YTHDF3: variants seen among roughly 807,000 people sequenced by gnomAD.
The protein encoded by YTHDF3 is YTH N6-methyladenosine RNA binding protein F3.
A neutral mutation model predicts 52.5 loss-of-function variants in YTHDF3; 9 were observed. The observed-to-expected ratio is 0.17, with a 90% CI of 0.10 to 0.30. YTHDF3 has a LOEUF of 0.30. Among genes scored for constraint, YTHDF3 ranks in the 10% least tolerant of loss-of-function variants. YTHDF3 has a pLI of 1.00. For synonymous variants in YTHDF3, 274 were observed against 243.3 expected (o/e 1.13, Z -1.18); for missense variants, 534 against 715.0 (o/e 0.75, Z 2.89).
intron 4 of YTHDF3, among the ~76,000 whole-genome samples, chr8:63,192,037 T>C (rs1378386402): frequency 6.6e-6 from 1 of 152,204 alleles, no homozygotes; most frequent in East Asian, 1.9e-4. Flanking sequence ...GGCGTACAGC[T>C]CTATGAATTT....
chr8:63,199,625 CA>C (rs1382886676), intron 4 of YTHDF3, among the ~76,000 whole-genome samples: 2 of 152,040 alleles, frequency 1.3e-5, no homozygotes. Flanking sequence ...ATGTGACATT[CA>C]GTTTCTTAAT....
At chr8:63,180,409 A>G (rs1042048167) in intron 3 of YTHDF3, among the ~76,000 whole-genome samples, 23 of 149,294 alleles carry the variant, frequency 1.5e-4, no homozygotes, top group African/African-American at 5.2e-4. Flanking sequence ...CACTTCCCAG[A>G]TGGGATGGCG....
In YTHDF3 at chr8:63,210,045, C is replaced by T. The variant is rs1810289425; in HGVS notation, c.*339C>T. On this transcript the variant is annotated 3_prime_UTR_variant, in exon 5 of 5. Transcript: ENST00000539294. ...ACTCTTTGAATTTGTTAAATACTAACAGTTAACCATTAGAAGTGGTTCAAT... is the reference window on the plus strand; with the variant it reads ...ACTCTTTGAATTTGTTAAATACTAATAGTTAACCATTAGAAGTGGTTCAAT... 2 of 210,202 alleles carry T rather than the reference C, an allele frequency of 9.5e-6. No homozygotes were observed. The highest frequency in any genetic ancestry group is 1.9e-5 in the Non-Finnish European group (2 of 106,052). The allele number at this position is 210,202 out of a possible 1,614,324, so 13.0% of individuals were successfully genotyped here.
chr8:63,180,929 G>C lies in YTHDF3; in HGVS notation c.136-5218G>C, dbSNP rs578044168. Reference sequence around the variant, plus strand: ...AGTGAGCCGAGATGGCAGCAGTACCGTCCAGCTTCGGCTCGGCATCAGAGG... The same window carrying C: ...AGTGAGCCGAGATGGCAGCAGTACCCTCCAGCTTCGGCTCGGCATCAGAGG... On this transcript the variant is annotated intron_variant, in intron 3 of 4. Coordinates refer to ENST00000539294, the MANE Select transcript of YTHDF3 (RefSeq NM_152758.6). 3.9e-5 allele frequency among the ~76,000 whole-genome samples: 6 copies of C among 152,350 alleles called. No individual in the cohort carries two copies. In the East Asian group the frequency reaches 1.2e-3, roughly 29 times the overall value.
intron 3 of YTHDF3, among the ~76,000 whole-genome samples, chr8:63,180,847 GCCTGCAATC>G (rs1363775366): frequency 6.6e-6 from 1 of 152,212 alleles, no homozygotes; most frequent in Non-Finnish European, 1.5e-5. Context: ...GGCGGCAAGC[GCCTGCAATC>G]GCAGGCACTC....
In YTHDF3 at chr8:63,169,421, G is replaced by A. The variant is rs1351482627; in HGVS notation, c.49+10G>A. 10 of 1,591,738 alleles carry A rather than the reference G, an allele frequency of 6.3e-6. No individual in the cohort carries two copies. Among genetic ancestry groups the A allele is most frequent in the African/African-American group, 4.0e-5 (3 of 74,680 alleles). On this transcript the variant is annotated intron_variant, in intron 2 of 4. Transcript: ENST00000539294. ...GGGCAAGGAAATAAAGGTGAGTTTG[G>A]ATTTTTTTTTTTCTTATTGCTCAAT...
intron 4 of YTHDF3, among the ~76,000 whole-genome samples, chr8:63,203,536 A>G (rs1809783142): frequency 6.6e-6 from 1 of 152,214 alleles, no homozygotes; most frequent in African/African-American, 2.4e-5. Flanking sequence ...ATTTCTGTAT[A>G]TTCTTTATTC....
At chr8:63,173,422 C>T (rs1453934413) in intron 2 of YTHDF3, among the ~76,000 whole-genome samples, 4 of 151,538 alleles carry the variant, frequency 2.6e-5, no homozygotes, top group African/African-American at 7.3e-5. Context: ...AAACATTTTT[C>T]GTAAAGGTGG....
Position 63,206,409 on chromosome 8 carries a change from G to C in YTHDF3, c.1735-3274G>C, listed in dbSNP as rs183459892. 3.8e-3 allele frequency among the ~76,000 whole-genome samples: 577 copies of C among 152,186 alleles called. 5 individuals are homozygous for C. Among genetic ancestry groups the C allele is most frequent in the South Asian group, 0.013 (65 of 4,820 alleles). The stretch of plus-strand genomic sequence containing the variant: ...GCTCCAAACTTCATTCATCTTAGTA[G>C]GGGAGAGGGTATGATACCACTCTCC... On this transcript the variant is annotated intron_variant, in intron 4 of 4. Transcript: ENST00000539294.
chr8:63,173,185 G>A (rs1048863868), intron 2 of YTHDF3, among the ~76,000 whole-genome samples: 1 of 103,554 alleles, frequency 9.7e-6, no homozygotes, highest in African/African-American at 6.6e-5. Context: ...AAAAAAATAA[G>A]AATAACAGGA....
At chr8:63,189,198 T>C (rs1454844725) in intron 4 of YTHDF3, among the ~76,000 whole-genome samples, 1 of 152,184 alleles carries the variant, frequency 6.6e-6, no homozygotes, top group Non-Finnish European at 1.5e-5. Flanking sequence ...CCAGAATATT[T>C]TTATTTTTAT....
intron 4 of YTHDF3, among the ~76,000 whole-genome samples, chr8:63,205,573 A>G (rs1251819835): frequency 6.6e-6 from 1 of 151,610 alleles, no homozygotes; most frequent in Non-Finnish European, 1.5e-5. Context: ...GGCTGGGATT[A>G]CAGGTGTATG....
chr8:63,193,374 CAAAAAAAAAA>C (rs758787473), intron 4 of YTHDF3, among the ~76,000 whole-genome samples: 12 of 54,120 alleles, frequency 2.2e-4, no homozygotes, highest in Non-Finnish European at 3.2e-4. Flanking sequence ...AGACTCCGTC[CAAAAAAAAAA>C]AAAAAAAAAA....
At chr8:63,175,566 G>C in intron 3 of YTHDF3, 150 bp downstream of exon 3, 1 of 585,244 alleles carries the variant, frequency 1.7e-6, no homozygotes. Context: ...AGTAGCAGTT[G>C]CAGATTTATG....
intron 4 of YTHDF3, among the ~76,000 whole-genome samples, chr8:63,197,438 T>C (rs1365327048): frequency 6.6e-6 from 1 of 152,186 alleles, no homozygotes. Flanking sequence ...GAACAAAATG[T>C]TATGAGATGG....
chr8:63,186,837 A>G lies in YTHDF3; in HGVS notation c.826A>G (p.Ile276Val), dbSNP rs776365957. Residue 276 changes from isoleucine (I) to valine (V), a missense_variant, in exon 4 of 5, where the codon ATT (isoleucine) becomes GTT (valine). Physicochemically the swap from Ile to Val is conservative, Grantham distance 29 (BLOSUM62 3). This residue lies in a region of YTHDF3 where 203 missense variants were observed against 201.3 expected (regional missense o/e 1.01). Transcript: ENST00000539294. Reference sequence around the variant, plus strand: ...ACCTCCTATAAAACACAACATGAATATTGGAACTTGGGATGAAAAAGGGTC... The same window carrying G: ...ACCTCCTATAAAACACAACATGAATGTTGGAACTTGGGATGAAAAAGGGTC... ...PPPPIKHNMN[I>V]GTWDEKGSVV... is the part of the protein sequence containing the mutation. The G allele has an allele frequency of 5.6e-6, 9 of 1,613,984 alleles. No individual in the cohort carries two copies. The highest frequency in any genetic ancestry group is 6.8e-6 in the Non-Finnish European group (8 of 1,179,894).
At chr8:63,198,772 A>G (rs1809402310) in intron 4 of YTHDF3, among the ~76,000 whole-genome samples, 1 of 152,188 alleles carries the variant, frequency 6.6e-6, no homozygotes, top group Admixed American at 6.5e-5. Flanking sequence ...ATTGAAGTGT[A>G]TTCTATTACC....
At chr8:63,190,429 T>C (rs769314309) in intron 4 of YTHDF3, among the ~76,000 whole-genome samples, 2 of 152,202 alleles carry the variant, frequency 1.3e-5, no homozygotes, top group African/African-American at 2.4e-5. Flanking sequence ...TGTATTATTA[T>C]ATATATTGTA....
chr8:63,205,949 A>G (rs568451076), intron 4 of YTHDF3, among the ~76,000 whole-genome samples: 20 of 152,170 alleles, frequency 1.3e-4, no homozygotes, highest in Admixed American at 5.9e-4. Flanking sequence ...TTTACCATGC[A>G]CTGTGGACTT....
Sources: gnomAD v4.1 joint callset for allele counts (sites outside exome capture counted in the v4.1 genomes callset) on GRCh38, gnomAD v4.1.1 for gene constraint, gnomAD v4.1.1 regional missense constraint, MANE v1.5 for transcripts, NCBI Gene and HGNC (gene_info 2026-07-23, HGNC 2026-07-21) for gene names.